RBMS3: variants seen among roughly 807,000 people sequenced by gnomAD.
The protein encoded by RBMS3 is RNA binding motif single stranded interacting protein 3.
RBMS3 carries 27 observed loss-of-function variants against 66.8 expected under a neutral mutation model. The ratio of observed to expected loss-of-function variants is 0.40; its 90% CI spans 0.30 to 0.56. The LOEUF is 0.56. RBMS3 is among the 20% of genes least tolerant of loss of function. RBMS3 has a pLI of 0.40. For missense variants in RBMS3, 513 were observed against 549.5 expected (o/e 0.93, Z 0.66); for synonymous variants, 188 against 183.0 (o/e 1.03, Z -0.22).
In RBMS3 at chr3:29,691,947, C is replaced by CTCTCTCTCTCTTTTTTTTTTTTTT. The variant is rs1218393454; in HGVS notation, c.400-47772_400-47771insCTCTCTCTCTTTTTTTTTTTTTTT. ...GTGTGACCCTTCTCTCTCTCTCTCT[C>CTCTCTCTCTCTTTTTTTTTTTTTT]TATTTTTTTTTTTTTTTTTTGAGAT... On this transcript the variant is annotated intron_variant, in intron 4 of 14. Transcript: ENST00000383767. Among the ~76,000 whole-genome samples the CTCTCTCTCTCTTTTTTTTTTTTTT allele has an allele frequency of 4.8e-3, 255 of 53,150 alleles. 1 individual carries two copies. Among genetic ancestry groups the CTCTCTCTCTCTTTTTTTTTTTTTT allele is most frequent in the Non-Finnish European group, 6.5e-3 (164 of 25,422 alleles). 34.9% of individuals were successfully genotyped at this position (53,150 alleles called of 152,430 possible). A position where few individuals can be genotyped will look rare whatever the true frequency, so the allele number is the denominator to read the frequency against.
At chr3:29,543,671 C>T (rs2045846793) in intron 3 of RBMS3, among the ~76,000 whole-genome samples, 1 of 152,150 alleles carries the variant, frequency 6.6e-6, no homozygotes, top group Non-Finnish European at 1.5e-5. Flanking sequence ...GATTGTACCA[C>T]TGCACTCCAG....
rs180891662 is a variant in RBMS3, at chr3:29,744,651, G to A, written c.557+4774G>A. Among the ~76,000 whole-genome samples the A allele has an allele frequency of 7.7e-4, 117 of 152,244 alleles. 1 individual carries two copies. Among genetic ancestry groups the A allele is most frequent in the Middle Eastern group, 3.4e-3 (1 of 294 alleles). On this transcript the variant is annotated intron_variant, in intron 5 of 14. Coordinates refer to ENST00000383767, the MANE Select transcript of RBMS3 (RefSeq NM_001003793.3). ...ACAAAAAAATTAGCCAGGCGTGGTG[G>A]CACGTGCCTGTAATCCGAGCTACTC...
At chr3:29,633,974 TA>T (rs1194194539) in intron 4 of RBMS3, among the ~76,000 whole-genome samples, 2 of 151,962 alleles carry the variant, frequency 1.3e-5, no homozygotes, top group Non-Finnish European at 2.9e-5. Context: ...GCCAATATCT[TA>T]TAAAGAAATT....
chr3:29,836,825 C>A (rs1463976037), intron 6 of RBMS3, among the ~76,000 whole-genome samples: 2 of 150,226 alleles, frequency 1.3e-5, no homozygotes, highest in African/African-American at 2.5e-5. Context: ...CATTGTACAC[C>A]TTAAATATAT....
intron 1 of RBMS3, among the ~76,000 whole-genome samples, chr3:29,433,980 A>T (rs1413588364): frequency 6.6e-6 from 1 of 152,118 alleles, no homozygotes; most frequent in Non-Finnish European, 1.5e-5. Flanking sequence ...AATCTGGGAG[A>T]TAGAGGCTAA....
intron 5 of RBMS3, among the ~76,000 whole-genome samples, chr3:29,744,144 A>T (rs1158668772): frequency 6.6e-6 from 1 of 151,828 alleles, no homozygotes; most frequent in African/African-American, 2.4e-5. Flanking sequence ...TTGATGCCTG[A>T]TTTACATTGT....
intron 12 of RBMS3, among the ~76,000 whole-genome samples, chr3:29,949,190 G>GT (rs1251274644): frequency 6.6e-6 from 1 of 151,180 alleles, no homozygotes; most frequent in East Asian, 1.9e-4. Flanking sequence ...AGCCCAGGTT[G>GT]TTTTTTGGTT....
In RBMS3 at chr3:29,739,843, G is replaced by A. The variant is rs535888669; in HGVS notation, c.523G>A (p.Ala175Thr). The A allele has an allele frequency of 9.3e-6, 15 of 1,609,844 alleles. No individual in the cohort carries two copies. The East Asian group carries it at 2.0e-4, about 22-fold the overall frequency. The change falls in exon 5 of 15, where the codon GCT (alanine) becomes ACT (threonine). Residue 175 changes from alanine (A) to threonine (T), a missense_variant. Transcript: ENST00000383767. ...CATTTCCACAAGAATACTAAGAGAC[G>A]CTAATGGAGTCAGCAGAGGTGTTGG... Reference protein sequence around the residue: ...HVISTRILRDANGVSRGVGFA... With the variant: ...HVISTRILRDTNGVSRGVGFA...
chr3:29,355,396 C>T (rs79485760), intron 1 of RBMS3, among the ~76,000 whole-genome samples: 10,337 of 152,092 alleles, frequency 0.068, 407 homozygotes, highest in African/African-American at 0.1. Flanking sequence ...ATTTTTCTAA[C>T]TTATGCCTCA....
At chr3:29,921,772 A>G (rs969108093) in intron 10 of RBMS3, among the ~76,000 whole-genome samples, 1 of 152,214 alleles carries the variant, frequency 6.6e-6, no homozygotes, top group African/African-American at 2.4e-5. Flanking sequence ...CAATTGAGCC[A>G]TGTTTTTAGA....
chr3:29,702,659 T>A (rs2052672536), intron 4 of RBMS3, among the ~76,000 whole-genome samples: 1 of 151,648 alleles, frequency 6.6e-6, no homozygotes, highest in South Asian at 2.1e-4. Flanking sequence ...CAACTCTGGA[T>A]AGGAGGAATG....
chr3:29,579,276 T>G (rs2047240360), intron 3 of RBMS3, among the ~76,000 whole-genome samples: 1 of 152,114 alleles, frequency 6.6e-6, no homozygotes, highest in Non-Finnish European at 1.5e-5. Flanking sequence ...GAAGAGTAAG[T>G]AGGGATGAGT....
intron 8 of RBMS3, among the ~76,000 whole-genome samples, chr3:29,889,823 A>G (rs1356300739): frequency 6.6e-6 from 1 of 151,638 alleles, no homozygotes; most frequent in Non-Finnish European, 1.5e-5. Flanking sequence ...AATGTGACAG[A>G]TGACATCTGC....
chr3:29,607,299 C>T (rs1002637325), intron 4 of RBMS3, among the ~76,000 whole-genome samples: 17 of 151,880 alleles, frequency 1.1e-4, no homozygotes, highest in Admixed American at 1.1e-3. Flanking sequence ...TTATAAACAA[C>T]AGAAATTTAT....
chr3:29,320,220 G>C (rs2034923552), intron 1 of RBMS3, among the ~76,000 whole-genome samples: 1 of 152,050 alleles, frequency 6.6e-6, no homozygotes, highest in African/African-American at 2.4e-5. Flanking sequence ...TCTCAGAGTA[G>C]ACTACGGTCA....
intron 12 of RBMS3, among the ~76,000 whole-genome samples, chr3:29,964,112 A>T (rs563389921): frequency 3.3e-5 from 5 of 152,310 alleles, no homozygotes; most frequent in Admixed American, 3.3e-4. Flanking sequence ...AATGCTTATT[A>T]AAAACCCAGT....
intron 4 of RBMS3, among the ~76,000 whole-genome samples, chr3:29,712,237 A>G (rs1390187315): frequency 6.6e-6 from 1 of 151,966 alleles, no homozygotes; most frequent in Non-Finnish European, 1.5e-5. Context: ...CTAGTAAAAT[A>G]TTATTTCTGG....
At chr3:29,463,930 T>C (rs1477617318) in intron 2 of RBMS3, among the ~76,000 whole-genome samples, 1 of 152,172 alleles carries the variant, frequency 6.6e-6, no homozygotes, top group Non-Finnish European at 1.5e-5. Flanking sequence ...CTGCCTTCCA[T>C]TGTACATATG....
At chr3:29,996,837 C>A (rs1157922343) in intron 14 of RBMS3, among the ~76,000 whole-genome samples, 1 of 152,048 alleles carries the variant, frequency 6.6e-6, no homozygotes, top group Non-Finnish European at 1.5e-5. Flanking sequence ...AATTGACACC[C>A]TAATATCACA....
Sources: allele counts gnomAD v4.1 joint callset (sites outside exome capture counted in the v4.1 genomes callset), GRCh38; gene constraint gnomAD v4.1.1; transcripts MANE v1.5; gene names NCBI Gene and HGNC (gene_info 2026-07-23, HGNC 2026-07-21).